The following PCGF5 variants were observed in gnomAD, a reference collection of about 807,000 sequenced individuals.
PCGF5 encodes the protein polycomb group ring finger 5.
Under a neutral mutation model 44.3 loss-of-function variants are expected in PCGF5, and 9 were observed. The observed-to-expected ratio is 0.20, with a 90% CI of 0.12 to 0.35. PCGF5 has a LOEUF of 0.35. Among genes scored for constraint, PCGF5 ranks in the 10% least tolerant of loss-of-function variants. The pLI, the probability that PCGF5 is intolerant of heterozygous loss-of-function variation, is 1.00. For missense variants in PCGF5, 146 were observed against 305.3 expected, an observed-to-expected ratio of 0.48 and a Z score of 3.89; for synonymous variants, 95 against 102.5, an observed-to-expected ratio of 0.93 and a Z score of 0.44.
chr10:91,227,261 C>G, intron 2 of PCGF5: 1 of 466,434 alleles, frequency 2.1e-6, no homozygotes, highest in Admixed American at 2.5e-5. Flanking sequence ...TGTGTGAACT[C>G]ATGTATTCTG....
rs930644747 is a variant in PCGF5 at position 91,259,684 on chromosome 10, A to G, written c.475-1642A>G. On this transcript the variant is annotated intron_variant, in intron 6 of 9. Coordinates refer to ENST00000336126, the MANE Select transcript of PCGF5 (RefSeq NM_032373.5). ...AATGCCGCATATCTACAACTATCTG[A>G]TCTTTGACAAACCTGACAAAAACAA... 4.8e-4 allele frequency among the ~76,000 whole-genome samples: 73 copies of G among 152,296 alleles called. No individual in the cohort carries two copies. In the Middle Eastern group the frequency reaches 0.014, roughly 28 times the overall value.
At chr10:91,227,521 C>G (rs1367241182) in intron 2 of PCGF5, 21 of 1,230,374 alleles carry the variant, frequency 1.7e-5, no homozygotes, top group Non-Finnish European at 2.1e-5. Context: ...TTTAATACTT[C>G]TCAAATCTGT....
chr10:91,192,017 C>T (rs1310661302), intron 1 of PCGF5, among the ~76,000 whole-genome samples: 1 of 152,210 alleles, frequency 6.6e-6, no homozygotes, highest in Admixed American at 6.5e-5. Flanking sequence ...GGTTCCTCCT[C>T]TATAAAGTTT....
At chr10:91,194,456 G>A (rs747006633) in intron 1 of PCGF5, among the ~76,000 whole-genome samples, 57 of 152,158 alleles carry the variant, frequency 3.7e-4, no homozygotes, top group Admixed American at 5.9e-4. Flanking sequence ...GGTGGAAATG[G>A]CAAGGAAACA....
intron 9 of PCGF5, among the ~76,000 whole-genome samples, chr10:91,277,225 C>T (rs11186526): frequency 0.13 from 19,860 of 152,158 alleles, 2,429 homozygotes; most frequent in African/African-American, 0.32. Context: ...CTATAGTAAG[C>T]ACTGAAATGG....
At chr10:91,193,250 G>A (rs1337359590) in intron 1 of PCGF5, among the ~76,000 whole-genome samples, 4 of 152,174 alleles carry the variant, frequency 2.6e-5, no homozygotes, top group Non-Finnish European at 5.9e-5. Context: ...CATCCCTAGA[G>A]CCTCCAAAAG....
intron 1 of PCGF5, among the ~76,000 whole-genome samples, chr10:91,166,376 G>A (rs944798621): frequency 1.4e-4 from 22 of 152,162 alleles, no homozygotes; most frequent in African/African-American, 4.8e-4. Context: ...GGATAAATGG[G>A]TTTTAAGTTG....
intron 3 of PCGF5, among the ~76,000 whole-genome samples, chr10:91,241,042 C>CATAT (rs59977249): frequency 6.8e-6 from 1 of 147,762 alleles, no homozygotes; most frequent in African/African-American, 2.5e-5. Flanking sequence ...GCAGTATAAT[C>CATAT]ATATATATAT....
chr10:91,256,751 A>G (rs1411212086), intron 6 of PCGF5, among the ~76,000 whole-genome samples: 1 of 152,094 alleles, frequency 6.6e-6, no homozygotes, highest in Non-Finnish European at 1.5e-5. Flanking sequence ...TTCTCACCAA[A>G]AGCTGTGGAG....
rs1844136393 is a variant in PCGF5 at position 91,196,441 on chromosome 10, T to TTA, written c.-183-26246_-183-26245dup. ...TATCATTGAAGCACAAAGCAGAGCT[T>TTA]TATGTCCCTTCTCACCCCAGGGCTT... On this transcript the variant is annotated intron_variant, in intron 1 of 9. Transcript: ENST00000614189. 3.9e-5 allele frequency among the ~76,000 whole-genome samples: 6 copies of TTA among 152,326 alleles called. No homozygotes were observed. The South Asian group carries it at 1.2e-3, about 32-fold the overall frequency.
chr10:91,170,720 A>G (rs1305964208), intron 1 of PCGF5, among the ~76,000 whole-genome samples: 2 of 152,216 alleles, frequency 1.3e-5, no homozygotes, highest in African/African-American at 4.8e-5. Context: ...ACAAAACGAA[A>G]CATACTCTTA....
At chr10:91,163,331 C>T (rs1843427188) in intron 1 of PCGF5, among the ~76,000 whole-genome samples, 1 of 151,490 alleles carries the variant, frequency 6.6e-6, no homozygotes, top group South Asian at 2.1e-4. Flanking sequence ...GGGCCGGGCG[C>T]CGGGCGGGCA....
rs1012524184 is a variant in PCGF5 at position 91,279,365 on chromosome 10, C to T, written c.*1049C>T. On this transcript the variant is annotated 3_prime_UTR_variant, in exon 10 of 10. Transcript: ENST00000336126. ...GTTAGTTACCTTTCACATTTCCAAA[C>T]TATGTGCATAAAATAGAATAAATGC... 3 of 152,100 alleles carry T rather than the reference C, an allele frequency of 2.0e-5. No individual in the cohort carries two copies. The highest frequency in any genetic ancestry group is 4.4e-5 in the Non-Finnish European group (3 of 67,996). 9.4% of individuals were successfully genotyped at this position (152,100 alleles called of 1,614,324 possible).
intron 2 of PCGF5, among the ~76,000 whole-genome samples, chr10:91,236,763 A>G (rs1845176614): frequency 6.6e-6 from 1 of 152,204 alleles, no homozygotes; most frequent in Non-Finnish European, 1.5e-5. Flanking sequence ...TTCCAGTTTC[A>G]CCGAGCTTCA....
chr10:91,245,242 G>T (rs919796444), intron 3 of PCGF5, among the ~76,000 whole-genome samples: 1 of 152,186 alleles, frequency 6.6e-6, no homozygotes, highest in Non-Finnish European at 1.5e-5. Flanking sequence ...AAAGGAGACG[G>T]AGTGATCCAC....
intron 2 of PCGF5, among the ~76,000 whole-genome samples, chr10:91,237,790 C>T (rs1398639876): frequency 1.3e-5 from 2 of 151,700 alleles, no homozygotes; most frequent in African/African-American, 4.8e-5. Context: ...TGTCTTTTTG[C>T]TGCCATTCAC....
At chr10:91,207,795 A>ATTG (rs1844373892) in intron 1 of PCGF5, among the ~76,000 whole-genome samples, 1 of 152,194 alleles carries the variant, frequency 6.6e-6, no homozygotes, top group African/African-American at 2.4e-5. Flanking sequence ...TATGTTTCCA[A>ATTG]ATGATTATAG....
intron 8 of PCGF5, among the ~76,000 whole-genome samples, chr10:91,268,292 A>G (rs1359739240): frequency 6.6e-6 from 1 of 152,190 alleles, no homozygotes; most frequent in Non-Finnish European, 1.5e-5. Context: ...CATGTTTTAT[A>G]AGGCAAATAG....
intron 9 of PCGF5, among the ~76,000 whole-genome samples, chr10:91,275,689 G>A (rs1466563546): frequency 4.7e-5 from 7 of 149,270 alleles, no homozygotes; most frequent in East Asian, 2.0e-4. Context: ...TCTTGACCTC[G>A]TGATCTGCCC....
Sources: allele counts gnomAD v4.1 joint callset (sites outside exome capture counted in the v4.1 genomes callset), GRCh38; gene constraint gnomAD v4.1.1; transcripts MANE v1.5; gene names NCBI Gene and HGNC (gene_info 2026-07-23, HGNC 2026-07-21).